KCNQ4: variants seen among roughly 807,000 people sequenced by gnomAD.
The protein encoded by KCNQ4 is potassium voltage-gated channel subfamily Q member 4.
Under a neutral mutation model 72.6 loss-of-function variants are expected in KCNQ4, and 31 were observed. The ratio of observed to expected loss-of-function variants is 0.43; its 90% CI spans 0.32 to 0.58. The LOEUF is 0.58. Among genes scored for constraint, KCNQ4 ranks in the 20% least tolerant of loss-of-function variants. The pLI is 0.08. For missense variants in KCNQ4, 869 were observed against 962.6 expected (o/e 0.90, Z 1.29); for synonymous variants, 405 against 403.7 (o/e 1.00, Z -0.04).
At position 40,794,555 on chromosome 1, in the gene KCNQ4, C is replaced by T. The variant is rs75978419; in HGVS notation, c.314+10148C>T. On this transcript the variant is annotated intron_variant, in intron 1 of 13. Transcript: ENST00000347132. This position sits in a 1 kb window ranked among gnomAD's most constrained non-coding sequence, Gnocchi z 4.2. ...CCAAGCCCGAGCTCTAAATGGTTCT[C>T]AGCCTCGCCAGCTGACCCAAGGCAG... 0.017 allele frequency among the ~76,000 whole-genome samples: 2,571 copies of T among 152,314 alleles called. 77 individuals carry two copies. The highest frequency in any genetic ancestry group is 0.059 in the African/African-American group (2,467 of 41,562).
intron 1 of KCNQ4, among the ~76,000 whole-genome samples, chr1:40,795,154 T>C (rs1647376495): frequency 6.6e-6 from 1 of 152,060 alleles, no homozygotes; most frequent in South Asian, 2.1e-4. Flanking sequence ...AGAATGACAA[T>C]TGCCATCTGT....
chr1:40,838,537 G>A lies in KCNQ4; in HGVS notation c.*14G>A, dbSNP rs1648881554. The A allele has an allele frequency of 6.2e-7, 1 of 1,612,976 alleles. No homozygotes were observed. On this transcript the variant is annotated 3_prime_UTR_variant, in exon 14 of 14. Coordinates refer to ENST00000347132, the MANE Select transcript of KCNQ4 (RefSeq NM_004700.4). ...AACATGGACTGAGGGACTTCTCAGA[G>A]GCAGGGCAGCACACGGCCAGCCCCG...
At chr1:40,837,417 C>T (rs974822613) in intron 12 of KCNQ4, among the ~76,000 whole-genome samples, 2 of 152,248 alleles carry the variant, frequency 1.3e-5, no homozygotes, top group African/African-American at 4.8e-5. Flanking sequence ...TTCCATTCCT[C>T]TTTCACCAGA....
chr1:40,813,808 C>T (rs1004318767), intron 1 of KCNQ4, among the ~76,000 whole-genome samples: 9 of 151,846 alleles, frequency 5.9e-5, no homozygotes, highest in African/African-American at 1.9e-4. Context: ...AGTGCAGTGG[C>T]GCAATCTTGG....
chr1:40,827,595 T>G (rs1193913001), intron 9 of KCNQ4, among the ~76,000 whole-genome samples: 2 of 152,178 alleles, frequency 1.3e-5, no homozygotes, highest in Non-Finnish European at 2.9e-5. Context: ...GTCCTGGGTT[T>G]CCAAAGGTGC....
At chr1:40,789,080 C>T (rs1647234132) in intron 1 of KCNQ4, among the ~76,000 whole-genome samples, 1 of 152,240 alleles carries the variant, frequency 6.6e-6, no homozygotes, top group African/African-American at 2.4e-5. Context: ...CTATACACAA[C>T]TGCAGGGCTG....
intron 1 of KCNQ4, among the ~76,000 whole-genome samples, chr1:40,799,163 C>G (rs758900313): frequency 6.6e-6 from 1 of 152,240 alleles, no homozygotes; most frequent in Non-Finnish European, 1.5e-5. Flanking sequence ...CTTCCCCTGT[C>G]CTGCTTCTGC....
chr1:40,837,119 G>C (rs1570855971), intron 12 of KCNQ4, among the ~76,000 whole-genome samples: 1 of 134,404 alleles, frequency 7.4e-6, no homozygotes, highest in South Asian at 2.3e-4. Context: ...ACAGTATCTT[G>C]CTCTGTCGCC....
At chr1:40,801,362 G>A (rs1246476584) in intron 1 of KCNQ4, among the ~76,000 whole-genome samples, 3 of 152,056 alleles carry the variant, frequency 2.0e-5, no homozygotes. Context: ...CTGGGGAGAG[G>A]GGCACTCACC....
intron 1 of KCNQ4, among the ~76,000 whole-genome samples, chr1:40,801,073 A>C (rs1346402256): frequency 6.6e-6 from 1 of 151,950 alleles, no homozygotes; most frequent in African/African-American, 2.4e-5. Context: ...TAGGATTGTA[A>C]ATGGGGTAGG....
chr1:40,815,238 C>CAAAA (rs59957166), intron 1 of KCNQ4, among the ~76,000 whole-genome samples: 1 of 128,966 alleles, frequency 7.8e-6, no homozygotes, highest in Non-Finnish European at 1.6e-5. Flanking sequence ...GACTCCATCT[C>CAAAA]AAAAAAAAAA....
At chr1:40,824,942 T>C (rs1359938025) in intron 9 of KCNQ4, among the ~76,000 whole-genome samples, 1 of 152,220 alleles carries the variant, frequency 6.6e-6, no homozygotes, top group African/African-American at 2.4e-5. Flanking sequence ...TCTTTCCCCT[T>C]GAACTGTCTC....
At chr1:40,806,166 C>A (rs1486765804) in intron 1 of KCNQ4, among the ~76,000 whole-genome samples, 1 of 152,190 alleles carries the variant, frequency 6.6e-6, no homozygotes, top group Admixed American at 6.5e-5. Flanking sequence ...ACGCCAAAGC[C>A]AGCATGTAAA....
intron 1 of KCNQ4, among the ~76,000 whole-genome samples, chr1:40,812,633 T>C (rs1647962557): frequency 6.6e-6 from 1 of 152,194 alleles, no homozygotes; most frequent in Non-Finnish European, 1.5e-5. Context: ...TAGAAACTCT[T>C]AGCCAGTGGG....
intron 1 of KCNQ4, among the ~76,000 whole-genome samples, chr1:40,792,272 G>A (rs954571213): frequency 6.6e-6 from 1 of 152,172 alleles, no homozygotes; most frequent in Non-Finnish European, 1.5e-5. Context: ...AGGCGCCTTC[G>A]CTACTGCCCG....
intron 1 of KCNQ4, among the ~76,000 whole-genome samples, chr1:40,799,026 C>T (rs1647495419): frequency 6.6e-6 from 1 of 152,280 alleles, no homozygotes; most frequent in African/African-American, 2.4e-5. Flanking sequence ...GATTTGCACT[C>T]TCCTAATCCA....
chr1:40,806,811 C>G (rs1647777430), intron 1 of KCNQ4, among the ~76,000 whole-genome samples: 2 of 152,224 alleles, frequency 1.3e-5, no homozygotes, highest in Non-Finnish European at 2.9e-5. Flanking sequence ...CTCTGCACCT[C>G]TGCCAACTTT....
intron 1 of KCNQ4, among the ~76,000 whole-genome samples, chr1:40,785,872 A>G (rs1411389082): frequency 6.6e-6 from 1 of 152,012 alleles, no homozygotes; most frequent in Non-Finnish European, 1.5e-5. Flanking sequence ...TCTCTCGGCC[A>G]TTAAGTGCGT....
Position 40,784,288 on chromosome 1 carries a change from G to C in KCNQ4, c.195G>C (p.Ser65=), listed in dbSNP as rs781735358. The C allele has an allele frequency of 1.7e-5, 27 of 1,569,190 alleles. No individual in the cohort carries two copies. The highest frequency in any genetic ancestry group is 5.6e-5 in the African/African-American group (4 of 71,340). Residue 65 remains serine (S), a synonymous_variant, in exon 1 of 14, where the codon TCG becomes TCC. Transcript: ENST00000347132. This position sits in a 1 kb window ranked among gnomAD's most constrained non-coding sequence, Gnocchi z 4.1. ...CCCTCCCTGGGCCGGGCTCCGGCTC[G>C]GGCTCCGCCTGCGGCCAGCGCTCCT... ...GAPLPGPGSG[S]GSACGQRSSA...
Sources: allele counts gnomAD v4.1 joint callset (sites outside exome capture counted in the v4.1 genomes callset), GRCh38; gene constraint gnomAD v4.1.1; non-coding constraint Gnocchi (gnomAD v3.1); transcripts MANE v1.5; gene names NCBI Gene and HGNC (gene_info 2026-07-23, HGNC 2026-07-21).